VPS53: variants seen among roughly 807,000 people sequenced by gnomAD.
VPS53 encodes the protein vacuolar protein sorting-associated protein 53 homolog.
Under a neutral mutation model 107.0 loss-of-function variants are expected in VPS53, and 70 were observed. The ratio of observed to expected loss-of-function variants is 0.65; its 90% CI spans 0.54 to 0.80. VPS53 has a LOEUF of 0.80. Ranked by LOEUF, VPS53 falls within the 30% of genes least tolerant of loss-of-function variation. VPS53 has a pLI of 0.00. For synonymous variants in VPS53, 409 were observed against 393.3 expected, an observed-to-expected ratio of 1.04 and a Z score of -0.47; for missense variants, 917 against 1,049.4, an observed-to-expected ratio of 0.87 and a Z score of 1.74.
chr17:693,531 G>C (rs562245139), intron 4 of VPS53, among the ~76,000 whole-genome samples: 45 of 152,102 alleles, frequency 3.0e-4, no homozygotes, highest in African/African-American at 1.1e-3. Flanking sequence ...AGACCAGCCC[G>C]GGCAACACAG....
intron 4 of VPS53, among the ~76,000 whole-genome samples, chr17:664,325 G>A (rs193203737): frequency 2.2e-3 from 336 of 152,214 alleles, no homozygotes; most frequent in African/African-American, 7.7e-3. Flanking sequence ...TGATCTGCCC[G>A]CCTCGGCCTC....
Position 515,060 on chromosome 17 carries a change from TTTA to T in VPS53, c.*4065_*4067del, listed in dbSNP as rs1424916235. The T allele has an allele frequency of 2.0e-5, 3 of 152,208 alleles. No individual in the cohort carries two copies. Among genetic ancestry groups the T allele is most frequent in the African/African-American group, 7.2e-5 (3 of 41,464 alleles). 9.4% of individuals were successfully genotyped at this position (152,208 alleles called of 1,614,324 possible). A position where few individuals can be genotyped will look rare whatever the true frequency, so the allele number is the denominator to read the frequency against. ...CCCTCAGTAAGAGCAGAGTGAACTC[TTTA>T]TTGATTATACAAATTACCACTATTT... On this transcript the variant is annotated 3_prime_UTR_variant, in exon 22 of 22. Transcript: ENST00000437048.
At chr17:573,635 A>G (rs1292901189) in intron 13 of VPS53, among the ~76,000 whole-genome samples, 2 of 152,114 alleles carry the variant, frequency 1.3e-5, no homozygotes, top group South Asian at 4.1e-4. Context: ...GAAGGTGAAA[A>G]TGCCACCTCT....
At chr17:664,737 G>A (rs1367335967) in intron 4 of VPS53, among the ~76,000 whole-genome samples, 3 of 152,158 alleles carry the variant, frequency 2.0e-5, no homozygotes, top group African/African-American at 4.8e-5. Context: ...TCCACGAGAC[G>A]GTGGAGGCCT....
intron 4 of VPS53, among the ~76,000 whole-genome samples, chr17:678,065 G>C (rs984955922): frequency 1.3e-5 from 2 of 152,090 alleles, no homozygotes; most frequent in African/African-American, 4.8e-5. Context: ...AGGCTGCAGT[G>C]AGCCATGATT....
At chr17:582,999 G>A (rs1419400649) in intron 13 of VPS53, among the ~76,000 whole-genome samples, 2 of 149,446 alleles carry the variant, frequency 1.3e-5, no homozygotes, top group Non-Finnish European at 3.0e-5. Context: ...AATCTAAAGT[G>A]TTCCCAGAGA....
intron 8 of VPS53, among the ~76,000 whole-genome samples, chr17:629,080 A>G (rs934576494): frequency 6.6e-6 from 1 of 152,150 alleles, no homozygotes; most frequent in African/African-American, 2.4e-5. Context: ...AAAATAATAG[A>G]CTTTAGGTGA....
At chr17:710,440 G>C in intron 2 of VPS53, 93 bp downstream of exon 2, 1 of 932,446 alleles carries the variant, frequency 1.1e-6, no homozygotes, top group Non-Finnish European at 1.7e-6. Flanking sequence ...TGTGTATCAA[G>C]GGCCCGTAGA....
At chr17:573,784 C>T (rs998342483) in intron 13 of VPS53, among the ~76,000 whole-genome samples, 17 of 152,338 alleles carry the variant, frequency 1.1e-4, no homozygotes, top group Non-Finnish European at 2.1e-4. Flanking sequence ...CAGGCCCACG[C>T]TCTTTCCACC....
At position 586,421 on chromosome 17, in the gene VPS53, G is replaced by T. The variant is rs73277147; in HGVS notation, c.1219-57C>A. On this transcript the variant is annotated intron_variant, in intron 12 of 21. Coordinates refer to ENST00000437048, the MANE Select transcript of VPS53 (RefSeq NM_001128159.3). ...TTGAGTGATCTTTGCAAATGTTCAA[G>T]AATTTTTTTAAAAACATCATTTCAA... 2.9e-3 allele frequency: 4,474 copies of T among 1,536,444 alleles called. 65 individuals carry two copies. The African/African-American group carries it at 0.035, about 12-fold the overall frequency.
intron 11 of VPS53, 109 bp from the exon 12 acceptor site, chr17:602,005 C>A (rs1968349624): frequency 1.3e-6 from 1 of 793,422 alleles, no homozygotes; most frequent in African/African-American, 1.8e-5. Context: ...TGCACGCTAT[C>A]TGATAAAGAA....
chr17:546,721 A>G lies in VPS53; in HGVS notation c.1866+5151T>C, dbSNP rs190031683. Among the ~76,000 whole-genome samples the G allele has an allele frequency of 1.7e-3, 263 of 152,324 alleles. 1 individual carries two copies. The highest frequency in any genetic ancestry group is 3.4e-3 in the Middle Eastern group (1 of 294). On this transcript the variant is annotated intron_variant, in intron 17 of 21. Coordinates refer to ENST00000437048, the MANE Select transcript of VPS53 (RefSeq NM_001128159.3). Reference sequence around the variant, plus strand: ...AAAAAAGGAAAACAAGTGTGGGAGAAGATGTGGAGAAACTGGATTCCTTAC... The same window carrying G: ...AAAAAAGGAAAACAAGTGTGGGAGAGGATGTGGAGAAACTGGATTCCTTAC...
At chr17:615,783 C>G (rs1433777842) in intron 11 of VPS53, among the ~76,000 whole-genome samples, 2 of 152,142 alleles carry the variant, frequency 1.3e-5, no homozygotes, top group African/African-American at 2.4e-5. Context: ...GGTCAGGGGC[C>G]AGGGAGCAGC....
chr17:665,784 C>G (rs182154377), intron 4 of VPS53, among the ~76,000 whole-genome samples: 2 of 152,078 alleles, frequency 1.3e-5, no homozygotes, highest in Non-Finnish European at 1.5e-5. Context: ...GCGGGCGGAT[C>G]GCCTGAGGTC....
intron 3 of VPS53, among the ~76,000 whole-genome samples, chr17:697,903 G>C (rs190585967): frequency 8.6e-4 from 131 of 152,268 alleles, no homozygotes; most frequent in African/African-American, 2.7e-3. Flanking sequence ...GATGGAATCA[G>C]TGCTTCCGGG....
At chr17:650,912 T>C (rs1442016024) in intron 7 of VPS53, among the ~76,000 whole-genome samples, 3 of 152,158 alleles carry the variant, frequency 2.0e-5, no homozygotes, top group African/African-American at 7.2e-5. Context: ...AAAAAAAATA[T>C]CTAAAATACA....
Position 520,198 on chromosome 17 carries a change from T to G in VPS53, c.2224-268A>C, listed in dbSNP as rs1347346307. ...GCAATGTCCTAAATTTGCTGAATCC[T>G]AAATACACCTGCGCTGCTGTTTGAA... On this transcript the variant is annotated intron_variant, in intron 20 of 21. Coordinates refer to ENST00000437048, the MANE Select transcript of VPS53 (RefSeq NM_001128159.3). This position sits in a 1 kb window ranked among gnomAD's most constrained non-coding sequence, Gnocchi z 4.4. Among the ~76,000 whole-genome samples, 1 of 152,162 alleles carries G rather than the reference T, an allele frequency of 6.6e-6. No homozygotes were observed. Among genetic ancestry groups the G allele is most frequent in the East Asian group, 1.9e-4 (1 of 5,194 alleles).
intron 13 of VPS53, among the ~76,000 whole-genome samples, chr17:571,516 CTCTCCCTCTCCCTACGG>C (rs1490281899): frequency 6.7e-6 from 1 of 149,130 alleles, no homozygotes; most frequent in Non-Finnish European, 1.5e-5. Context: ...TACAGTCTCC[CTCTCCCTCTCCCTACGG>C]TCTCCCTCTC....
At chr17:586,138 G>C in intron 13 of VPS53, 132 bp downstream of exon 13, 1 of 706,062 alleles carries the variant, frequency 1.4e-6, no homozygotes, top group South Asian at 1.8e-5. Context: ...ACCCCTAATG[G>C]GTTTCTAGGG....
Sources: gnomAD v4.1 joint callset for allele counts (sites outside exome capture counted in the v4.1 genomes callset) on GRCh38, gnomAD v4.1.1 for gene constraint, Gnocchi (gnomAD v3.1) non-coding constraint, MANE v1.5 for transcripts, NCBI Gene and HGNC (gene_info 2026-07-23, HGNC 2026-07-21) for gene names.